The following CLNK variants were observed in gnomAD, a reference collection of about 807,000 sequenced individuals.
CLNK encodes the protein cytokine-dependent hematopoietic cell linker.
In CLNK, 74 loss-of-function variants were observed where a neutral mutation model predicts 68.6. The ratio of observed to expected loss-of-function variants is 1.08; its 90% CI spans 0.89 to 1.31. The LOEUF (loss-of-function observed/expected upper bound fraction) is 1.31. Ranked by LOEUF, CLNK falls within the 50% of genes most tolerant of loss-of-function variation. The pLI, the probability that CLNK is intolerant of heterozygous loss-of-function variation, is 0.00. For synonymous variants in CLNK, 198 were observed against 172.2 expected (o/e 1.15, Z -1.17); for missense variants, 553 against 515.3 (o/e 1.07, Z -0.71).
intron 2 of CLNK, among the ~76,000 whole-genome samples, chr4:10,636,624 G>A (rs955663700): frequency 2.0e-5 from 3 of 152,170 alleles, no homozygotes; most frequent in Non-Finnish European, 4.4e-5. Flanking sequence ...AGGAGGGAAG[G>A]AGGGTGTAGC....
At position 10,659,982 on chromosome 4, in the gene CLNK, T is replaced by C. The variant is rs187891453; in HGVS notation, c.11+7877A>G. 1.3e-3 allele frequency among the ~76,000 whole-genome samples: 194 copies of C among 152,336 alleles called. 3 individuals carry two copies. In the South Asian group the frequency reaches 0.02, roughly 16 times the overall value. ...TAGGGGAATGTTGGGCCAATGCAAA[T>C]TATAGACATGCAAATGACCAGTGTT... On this transcript the variant is annotated intron_variant, in intron 2 of 18. Coordinates refer to ENST00000226951, the MANE Select transcript of CLNK (RefSeq NM_052964.4).
the CLNK span, among the ~76,000 whole-genome samples, chr4:10,694,352 G>T: frequency 6.6e-6 from 1 of 151,992 alleles, no homozygotes; most frequent in African/African-American, 2.4e-5. Context: ...GGCTGGGGAT[G>T]GGCTTAGACC....
At chr4:10,520,252 T>C (rs1026041799) in intron 15 of CLNK, among the ~76,000 whole-genome samples, 3 of 152,232 alleles carry the variant, frequency 2.0e-5, no homozygotes, top group Non-Finnish European at 4.4e-5. Flanking sequence ...GTGATATCCT[T>C]CTGATTTTTA....
chr4:10,732,986 T>C, the CLNK span, among the ~76,000 whole-genome samples: 1 of 152,206 alleles, frequency 6.6e-6, no homozygotes, highest in Admixed American at 6.5e-5. Context: ...AAATTTCTAG[T>C]GCAGGAGATT....
At chr4:10,596,674 GTT>G (rs11317906) in intron 3 of CLNK, among the ~76,000 whole-genome samples, 1 of 151,310 alleles carries the variant, frequency 6.6e-6, no homozygotes, top group Non-Finnish European at 1.5e-5. Context: ...GTATGTCTAT[GTT>G]TTTTTTTAAA....
At chr4:10,600,567 G>C (rs1721555571) in intron 2 of CLNK, among the ~76,000 whole-genome samples, 1 of 152,100 alleles carries the variant, frequency 6.6e-6, no homozygotes, top group South Asian at 2.1e-4. Context: ...CCTTGCATTG[G>C]AGCCTTGCAA....
chr4:10,702,297 T>G, the CLNK span, among the ~76,000 whole-genome samples: 1 of 151,582 alleles, frequency 6.6e-6, no homozygotes, highest in Non-Finnish European at 1.5e-5. Context: ...AACACTCAGC[T>G]GGGAAATATG....
upstream of CLNK, among the ~76,000 whole-genome samples, chr4:10,686,854 A>G (rs1400570148): frequency 6.6e-6 from 1 of 152,152 alleles, no homozygotes; most frequent in Non-Finnish European, 1.5e-5. Flanking sequence ...AGAATTGAAG[A>G]CAATTTGGTT....
intron 2 of CLNK, among the ~76,000 whole-genome samples, chr4:10,619,637 G>A (rs1284295325): frequency 6.6e-6 from 1 of 152,034 alleles, no homozygotes; most frequent in South Asian, 2.1e-4. Context: ...AAAAGGGAAA[G>A]GAAAAGGGAC....
At chr4:10,610,779 C>T (rs1305896183) in intron 2 of CLNK, among the ~76,000 whole-genome samples, 1 of 2,506 alleles carries the variant, frequency 4.0e-4, no homozygotes, top group Non-Finnish European at 2.1e-3. Context: ...GCAACACACA[C>T]ACACACACAC....
intron 18 of CLNK, among the ~76,000 whole-genome samples, chr4:10,492,187 A>G (rs530724839): frequency 6.6e-6 from 1 of 152,268 alleles, no homozygotes; most frequent in African/African-American, 2.4e-5. Flanking sequence ...AGAGTCTCCC[A>G]TGGCTAGGGA....
intron 14 of CLNK, 70 bp from the exon 15 acceptor site, chr4:10,520,901 G>T (rs1718033398): frequency 8.8e-7 from 1 of 1,141,960 alleles, no homozygotes; most frequent in East Asian, 2.5e-5. Context: ...CCACTCAGAG[G>T]CAAGGTCAAT....
intron 3 of CLNK, among the ~76,000 whole-genome samples, chr4:10,592,986 C>T (rs1164506444): frequency 6.6e-6 from 1 of 152,150 alleles, no homozygotes; most frequent in East Asian, 1.9e-4. Flanking sequence ...CTCAGCCTCC[C>T]AAAGTGCTGG....
intron 16 of CLNK, among the ~76,000 whole-genome samples, chr4:10,508,866 T>C (rs972918052): frequency 3.0e-4 from 46 of 152,214 alleles, no homozygotes; most frequent in African/African-American, 9.9e-4. Context: ...CCCAGCACTT[T>C]GGGAGGCCAA....
At chr4:10,496,419 GA>G (rs1003117433) in intron 18 of CLNK, among the ~76,000 whole-genome samples, 21 of 152,162 alleles carry the variant, frequency 1.4e-4, no homozygotes, top group Non-Finnish European at 2.9e-5. Context: ...CTCACGCTGT[GA>G]AAAGCATGAG....
At chr4:10,573,334 C>G (rs1273710706) in intron 4 of CLNK, among the ~76,000 whole-genome samples, 8 of 152,144 alleles carry the variant, frequency 5.3e-5, no homozygotes, top group African/African-American at 1.9e-4. Context: ...TGAGACAGAG[C>G]TAATCTCCTT....
At chr4:10,616,724 G>A (rs1049402950) in intron 2 of CLNK, among the ~76,000 whole-genome samples, 1 of 150,128 alleles carries the variant, frequency 6.7e-6, no homozygotes, top group African/African-American at 2.5e-5. Context: ...TGTAAATTAT[G>A]TACTATACAA....
At chr4:10,552,293 C>T in intron 8 of CLNK, among the ~76,000 whole-genome samples, 1 of 152,120 alleles carries the variant, frequency 6.6e-6, no homozygotes, top group Non-Finnish European at 1.5e-5. Context: ...GGACTTGCCC[C>T]AAACTCAACC....
chr4:10,506,809 A>G (rs371194354), intron 17 of CLNK, among the ~76,000 whole-genome samples: 1 of 151,516 alleles, frequency 6.6e-6, no homozygotes, highest in Non-Finnish European at 1.5e-5. Flanking sequence ...CATGTTTTTT[A>G]TTTTTTTTGA....
Sources: allele counts gnomAD v4.1 joint callset (sites outside exome capture counted in the v4.1 genomes callset), GRCh38; gene constraint gnomAD v4.1.1; transcripts MANE v1.5; gene names NCBI Gene and HGNC (gene_info 2026-07-23, HGNC 2026-07-21).